DTX3L: variants seen among roughly 807,000 people sequenced by gnomAD.
DTX3L encodes the protein E3 ubiquitin-protein ligase DTX3L.
Under a neutral mutation model 60.9 loss-of-function variants are expected in DTX3L, and 34 were observed. The observed-to-expected ratio is 0.56, with a 90% CI of 0.42 to 0.74. DTX3L has a LOEUF of 0.74. Ranked by LOEUF, DTX3L falls within the 30% of genes least tolerant of loss-of-function variation. The pLI is 0.00. For missense variants in DTX3L, 810 were observed against 874.0 expected (o/e 0.93, Z 0.92); for synonymous variants, 290 against 316.6 (o/e 0.92, Z 0.89).
chr3:122,567,483 C>T (rs909938175), intron 2 of DTX3L, among the ~76,000 whole-genome samples: 8 of 152,092 alleles, frequency 5.3e-5, no homozygotes, highest in Non-Finnish European at 8.8e-5. Flanking sequence ...ATGCAAAGTC[C>T]TTGAGAAGGA....
At chr3:122,568,165 C>T (rs371849632) in intron 2 of DTX3L, among the ~76,000 whole-genome samples, 176 of 152,124 alleles carry the variant, frequency 1.2e-3, no homozygotes, top group African/African-American at 4.0e-3. Flanking sequence ...CAAAATTAGC[C>T]GGGCGTGGTG....
intron 1 of DTX3L, 24 bp from the exon 2 acceptor site, chr3:122,565,835 G>A (rs753018418): frequency 2.5e-6 from 4 of 1,605,294 alleles, no homozygotes; most frequent in Non-Finnish European, 3.4e-6. Flanking sequence ...GTGTATATGT[G>A]TGTGTTTAAT....
chr3:122,564,609 G>A lies in DTX3L; in HGVS notation c.183G>A (p.Arg61=). ...PGTFRVEFSE[R]AAKERVLKKG... ...CCTTCCGGGTGGAGTTCAGTGAAAG[G>A]GCAGGTGAGCTTCGGGCGGCCAGGC... Residue 61 remains arginine, a synonymous_variant, in exon 1 of 5, where the codon AGG becomes AGA. Coordinates refer to ENST00000296161, the MANE Select transcript of DTX3L (RefSeq NM_138287.3). 1 of 1,589,932 alleles carries A rather than the reference G, an allele frequency of 6.3e-7. No individual in the cohort carries two copies.
At position 122,569,888 on chromosome 3, in the gene DTX3L, A is replaced by G; in HGVS notation, c.1799A>G (p.Gln600Arg). The G allele has an allele frequency of 6.2e-7, 1 of 1,614,060 alleles. No individual in the cohort carries two copies. Among genetic ancestry groups the G allele is most frequent in the East Asian group, 2.2e-5 (1 of 44,900 alleles). Reference sequence around the variant, plus strand: ...TATAAGCCAATCTGTCCCACATGCCAGACTTCCTATGGTATTCAGAAAGGA... The same window carrying G: ...TATAAGCCAATCTGTCCCACATGCCGGACTTCCTATGGTATTCAGAAAGGA... ...MSYKPICPTC[Q>R]TSYGIQKGNQ... The change falls in exon 3 of 5, where the codon CAG (glutamine) becomes CGG (arginine). Residue 600 changes from glutamine (Q) to arginine (R), a missense_variant. Coordinates refer to ENST00000296161, the MANE Select transcript of DTX3L (RefSeq NM_138287.3).
Position 122,569,493 on chromosome 3 carries a change from C to G in DTX3L, c.1404C>G (p.Thr468=), listed in dbSNP as rs148416505. 1 of 1,614,036 alleles carries G rather than the reference C, an allele frequency of 6.2e-7. No homozygotes were observed. Among genetic ancestry groups the G allele is most frequent in the African/African-American group, 1.3e-5 (1 of 74,906 alleles). Residue 468 remains threonine, a synonymous_variant, in exon 3 of 5, where the codon ACC becomes ACG. Transcript: ENST00000296161. The stretch of plus-strand genomic sequence containing the variant: ...AGGAGAGAAAGCACTTACATCAGAC[C>G]AAGTTTGCTGATGACTTTAGAAAAA... ...LGKERKHLHQ[T]KFADDFRKRH... is the part of the protein sequence containing the mutation.
rs2107783791 is a variant in DTX3L, at chr3:122,573,486, TAAGAGAC to T, written c.*1743_*1749del. 6.6e-6 allele frequency: 1 copy of T among 152,346 alleles called. No homozygotes were observed. Among genetic ancestry groups the T allele is most frequent in the African/African-American group, 2.4e-5 (1 of 41,578 alleles). 9.4% of individuals were successfully genotyped at this position (152,346 alleles called of 1,614,324 possible). A position where few individuals can be genotyped will look rare whatever the true frequency, so the allele number is the denominator to read the frequency against. On this transcript the variant is annotated 3_prime_UTR_variant, in exon 5 of 5. Transcript: ENST00000296161. ...TTCTTTCTTTCATTGCTTTTTCCCT[TAAGAGAC>T]AAGTCCTTACTATATTGCCCTGTCT...
In DTX3L at chr3:122,569,883, A is replaced by G. The variant is rs1476867761; in HGVS notation, c.1794A>G (p.Thr598=). The G allele has an allele frequency of 2.5e-6, 4 of 1,614,214 alleles. No individual in the cohort carries two copies. Among genetic ancestry groups the G allele is most frequent in the East Asian group, 2.2e-5 (1 of 44,890 alleles). The part of the protein sequence containing the change: ...KAMSYKPICP[T]CQTSYGIQKG... ...TGTCATATAAGCCAATCTGTCCCACATGCCAGACTTCCTATGGTATTCAGA... is the reference window on the plus strand; with the variant it reads ...TGTCATATAAGCCAATCTGTCCCACGTGCCAGACTTCCTATGGTATTCAGA... Residue 598 remains threonine, a synonymous_variant, in exon 3 of 5, where the codon ACA becomes ACG. Transcript: ENST00000296161.
chr3:122,570,180 T>C (rs961317824), intron 3 of DTX3L, 156 bp downstream of exon 3: 13 of 831,648 alleles, frequency 1.6e-5, no homozygotes, highest in Non-Finnish European at 1.9e-5. Flanking sequence ...GTCACAATGT[T>C]TGCTGGTAAT....
rs2080656223 is a variant in DTX3L at position 122,573,096 on chromosome 3, T to A, written c.*1349T>A. On this transcript the variant is annotated 3_prime_UTR_variant, in exon 5 of 5. Transcript: ENST00000296161. ...GCAGCCAGTGTGTGCAGAAATCAAATGACAGAGAGGAAGTGAGAGAGAGAG... is the reference window on the plus strand; with the variant it reads ...GCAGCCAGTGTGTGCAGAAATCAAAAGACAGAGAGGAAGTGAGAGAGAGAG... The A allele has an allele frequency of 6.6e-6, 1 of 152,168 alleles. No individual in the cohort carries two copies. The highest frequency in any genetic ancestry group is 1.5e-5 in the Non-Finnish European group (1 of 68,052). 9.4% of individuals were successfully genotyped at this position (152,168 alleles called of 1,614,324 possible). A position where few individuals can be genotyped will look rare whatever the true frequency, so the allele number is the denominator to read the frequency against.
chr3:122,571,481 T>C (rs904598303), intron 4 of DTX3L, among the ~76,000 whole-genome samples, 197 bp from the exon 5 acceptor site: 3 of 152,252 alleles, frequency 2.0e-5, no homozygotes, highest in Non-Finnish European at 4.4e-5. Flanking sequence ...AGGCAGATGC[T>C]GGCCAGACAG....
chr3:122,565,695 T>C (rs1213946367), intron 1 of DTX3L, among the ~76,000 whole-genome samples, 164 bp from the exon 2 acceptor site: 1 of 151,976 alleles, frequency 6.6e-6, no homozygotes, highest in East Asian at 1.9e-4. Flanking sequence ...GAGCTCTTAA[T>C]AGCTCCCCGA....
intron 2 of DTX3L, 81 bp downstream of exon 2, chr3:122,566,151 A>C: frequency 3.9e-6 from 5 of 1,282,652 alleles, no homozygotes; most frequent in South Asian, 1.3e-5. Flanking sequence ...TCCAACACCC[A>C]TGTGCTGGGC....
In DTX3L at chr3:122,565,901, T is replaced by C. The variant is rs1285342000; in HGVS notation, c.230T>C (p.Val77Ala). 6.2e-7 allele frequency: 1 copy of C among 1,614,026 alleles called. No individual in the cohort carries two copies. Among genetic ancestry groups the C allele is most frequent in the African/African-American group, 1.3e-5 (1 of 74,914 alleles). Reference protein sequence around the residue: ...VLKKGEHQILVDEKPVPIFLV... With the variant: ...VLKKGEHQILADEKPVPIFLV... ...AAAAAAGGAGAGCACCAAATACTTGTTGACGAAAAACCTGTGCCCATTTTC... is the reference window on the plus strand; with the variant it reads ...AAAAAAGGAGAGCACCAAATACTTGCTGACGAAAAACCTGTGCCCATTTTC... Residue 77 changes from valine (V) to alanine (A), a missense_variant, in exon 2 of 5, where the codon GTT becomes GCT. Val to Ala is a moderately conservative substitution (Grantham distance 64, BLOSUM62 0). Coordinates refer to ENST00000296161, the MANE Select transcript of DTX3L (RefSeq NM_138287.3).
intron 3 of DTX3L, 165 bp from the exon 4 acceptor site, chr3:122,570,290 T>C (rs557352550): frequency 2.5e-6 from 2 of 790,338 alleles, no homozygotes; most frequent in Admixed American, 2.8e-5. Flanking sequence ...GTTTCCAGCA[T>C]GAATTCAAGG....
At position 122,568,960 on chromosome 3, in the gene DTX3L, C is replaced by G; in HGVS notation, c.871C>G (p.Arg291Gly). The change falls in exon 3 of 5, where the codon CGT becomes GGT. Residue 291 changes from arginine to glycine, a missense_variant. Physicochemically the swap from Arg to Gly is moderately radical, Grantham distance 125. Coordinates refer to ENST00000296161, the MANE Select transcript of DTX3L (RefSeq NM_138287.3). The part of the protein sequence containing the change: ...SSRSGDLEAA[R>G]ESFASEFQKN... ...TCGATCAGGTGACCTGGAAGCAGCTCGTGAGTCTTTTGCTAGTGAATTTCA... is the reference window on the plus strand; with the variant it reads ...TCGATCAGGTGACCTGGAAGCAGCTGGTGAGTCTTTTGCTAGTGAATTTCA... The G allele has an allele frequency of 6.2e-7, 1 of 1,614,072 alleles. No homozygotes were observed. The highest frequency in any genetic ancestry group is 1.1e-5 in the South Asian group (1 of 91,086).
At chr3:122,565,251 G>A (rs2080546101) in intron 1 of DTX3L, among the ~76,000 whole-genome samples, 3 of 151,966 alleles carry the variant, frequency 2.0e-5, no homozygotes, top group Admixed American at 1.3e-4. Flanking sequence ...GGTGGCTCAC[G>A]CCTGTAATCC....
intron 3 of DTX3L, 26 bp from the exon 4 acceptor site, chr3:122,570,429 C>T (rs760366201): frequency 1.9e-6 from 3 of 1,610,546 alleles, no homozygotes; most frequent in Non-Finnish European, 2.5e-6. Context: ...ACTCTTTTCA[C>T]ATGACATTTT....
At position 122,567,151 on chromosome 3, in the gene DTX3L, C is replaced by T. The variant is rs543786117; in HGVS notation, c.399+1081C>T. Among the ~76,000 whole-genome samples, 11 of 152,192 alleles carry T rather than the reference C, an allele frequency of 7.2e-5. No homozygotes were observed. In the South Asian group the frequency reaches 1.5e-3, roughly 20 times the overall value. On this transcript the variant is annotated intron_variant, in intron 2 of 4. Coordinates refer to ENST00000296161, the MANE Select transcript of DTX3L (RefSeq NM_138287.3). ...GCAATGGAGAGAGGTGCTAGGAACT[C>T]GGGAAGGTACCCAGAAGACAGGCCT...
Position 122,571,732 on chromosome 3 carries a change from C to T in DTX3L, c.2208C>T (p.Ala736=), listed in dbSNP as rs2036342. 498,224 of 1,609,556 alleles carry T rather than the reference C, an allele frequency of 0.31. 79,399 individuals are homozygous for T. The highest frequency in any genetic ancestry group is 0.47 in the East Asian group (20,861 of 44,812). The change falls in exon 5 of 5, where the codon GCC becomes GCT. Residue 736 remains alanine, a synonymous_variant. Transcript: ENST00000296161. ...YLKRVKEELK[A]KGIE ...AACGTGTCAAAGAGGAGCTGAAAGC[C>T]AAAGGAATTGAGTAAGACAACTGCT...
Sources: allele counts gnomAD v4.1 joint callset (sites outside exome capture counted in the v4.1 genomes callset), GRCh38; gene constraint gnomAD v4.1.1; transcripts MANE v1.5; gene names NCBI Gene and HGNC (gene_info 2026-07-23, HGNC 2026-07-21).